Variants in ZNF280B observed in about 807,000 individuals in gnomAD.
ZNF280B encodes suppressor of hairy wing homolog 2.
Under a neutral mutation model 38.0 loss-of-function variants are expected in ZNF280B, and 16 were observed. The ratio of observed to expected loss-of-function variants is 0.42; its 90% CI spans 0.28 to 0.64. The LOEUF (loss-of-function observed/expected upper bound fraction) is 0.64, where lower values mean the gene tolerates loss of function less well. ZNF280B is among the 30% of genes least tolerant of loss of function. The pLI, the probability that ZNF280B is intolerant of heterozygous loss-of-function variation, is 0.21. For missense variants in ZNF280B, 581 were observed against 639.6 expected (o/e 0.91, Z 0.99); for synonymous variants, 253 against 230.6 (o/e 1.10, Z -0.88).
intron 2 of ZNF280B, among the ~76,000 whole-genome samples, chr22:22,500,366 T>C (rs2061791323): frequency 9.8e-6 from 1 of 101,858 alleles, no homozygotes; most frequent in African/African-American, 4.0e-5. Flanking sequence ...AACAAAATAT[T>C]ATATATATAT....
rs1327493938 is a variant in ZNF280B at position 22,487,680 on chromosome 22, C to T, written c.*87G>A. The T allele has an allele frequency of 8.6e-7, 1 of 1,161,496 alleles. No individual in the cohort carries two copies. The allele number at this position is 1,161,496 out of a possible 1,614,324, so 71.9% of individuals were successfully genotyped here. ...ACTAGTTTCACTATTTTTGGTGCTA[C>T]TGAATAATGTATGGTTTGTATTTTT... On this transcript the variant is annotated 3_prime_UTR_variant, in exon 4 of 4. Transcript: ENST00000626650.
intron 2 of ZNF280B, among the ~76,000 whole-genome samples, chr22:22,501,264 T>TC (rs2061818984): frequency 6.6e-6 from 1 of 151,792 alleles, no homozygotes; most frequent in South Asian, 2.1e-4. Context: ...ATAAAACAAT[T>TC]CATTTTAAAA....
At chr22:22,490,315 A>C (rs5758484) in intron 3 of ZNF280B, among the ~76,000 whole-genome samples, 22,529 of 151,722 alleles carry the variant, frequency 0.15, 1,965 homozygotes, top group South Asian at 0.29. Flanking sequence ...CAAAACCCTC[A>C]AACGGCTTTC....
At chr22:22,500,342 C>T (rs2061790951) in intron 2 of ZNF280B, among the ~76,000 whole-genome samples, 1 of 151,042 alleles carries the variant, frequency 6.6e-6, no homozygotes, top group Admixed American at 6.6e-5. Context: ...CAAATGTCTA[C>T]CCAAAAATGA....
chr22:22,506,546 G>A (rs1035419796), intron 2 of ZNF280B, among the ~76,000 whole-genome samples: 5 of 151,636 alleles, frequency 3.3e-5, no homozygotes, highest in African/African-American at 4.8e-5. Context: ...TAGCAAATAC[G>A]GACAACTCTG....
Position 22,487,806 on chromosome 22 carries a change from G to C in ZNF280B, c.1593C>G (p.Leu531=). Residue 531 remains leucine (L), a synonymous_variant, in exon 4 of 4, where the codon CTC becomes CTG. Transcript: ENST00000626650. The part of the protein sequence containing the change: ...TVSTSDSEPS[L]PRSKSKISKK... ...TTGAAATTTTGCTTTTAGACCTGGG[G>C]AGTGATGGTTCAGAGTCAGATGTGC... 6.2e-7 allele frequency: 1 copy of C among 1,605,272 alleles called. No individual in the cohort carries two copies. The highest frequency in any genetic ancestry group is 8.5e-7 in the Non-Finnish European group (1 of 1,176,862).
At chr22:22,499,663 T>C (rs558113481) in intron 2 of ZNF280B, among the ~76,000 whole-genome samples, 8 of 151,932 alleles carry the variant, frequency 5.3e-5, no homozygotes, top group Admixed American at 6.6e-5. Flanking sequence ...AACAAAACGA[T>C]TGGGAATAGA....
Position 22,487,710 on chromosome 22 carries a change from T to G in ZNF280B, c.*57A>C. The G allele has an allele frequency of 2.8e-6, 4 of 1,453,350 alleles. No homozygotes were observed. The South Asian group carries it at 5.6e-5, about 20-fold the overall frequency. The allele number at this position is 1,453,350 out of a possible 1,614,324, so 90.0% of individuals were successfully genotyped here. On this transcript the variant is annotated 3_prime_UTR_variant, in exon 4 of 4. Transcript: ENST00000626650. ...TAATGTATGGTTTGTATTTTTTGTTTTATGAGGTTTTTTAATTTGGTTTGA... is the reference window on the plus strand; with the variant it reads ...TAATGTATGGTTTGTATTTTTTGTTGTATGAGGTTTTTTAATTTGGTTTGA...
At chr22:22,497,130 C>T (rs6002525) in intron 2 of ZNF280B, among the ~76,000 whole-genome samples, 28,011 of 145,280 alleles carry the variant, frequency 0.19, 3,076 homozygotes, top group South Asian at 0.34. Context: ...GGATCTACTC[C>T]TAAGCAACAG....
rs1462877841 is a variant in ZNF280B, at chr22:22,489,395, C to T, written c.4G>A (p.Glu2Lys). 2 of 1,581,122 alleles carry T rather than the reference C, an allele frequency of 1.3e-6. No homozygotes were observed. Among genetic ancestry groups the T allele is most frequent in the East Asian group, 2.2e-5 (1 of 44,526 alleles). The change falls in exon 4 of 4, where the codon GAA (glutamate) becomes AAA (lysine). Residue 2 changes from glutamate (E) to lysine (K), a missense_variant. By Grantham distance (56) the Glu-to-Lys change is moderately conservative. Transcript: ENST00000626650. The stretch of plus-strand genomic sequence containing the variant: ...TCTTTCTCTTCCTCACATGATTGTT[C>T]CATTTTCTAATTTTTTTATTCCTGA... Reference protein sequence around the residue: MEQSCEEEKEPE... With the variant: MKQSCEEEKEPE...
chr22:22,491,951 C>T (rs2061604214), intron 3 of ZNF280B, among the ~76,000 whole-genome samples: 1 of 151,888 alleles, frequency 6.6e-6, no homozygotes, highest in East Asian at 2.0e-4. Flanking sequence ...CCATGTGGAC[C>T]CTTCAAATCA....
At chr22:22,493,627 A>G (rs1160504546) in intron 3 of ZNF280B, among the ~76,000 whole-genome samples, 1 of 151,828 alleles carries the variant, frequency 6.6e-6, no homozygotes, top group African/African-American at 2.4e-5. Context: ...CACTCATTCT[A>G]CCTCTCATGT....
rs1569172709 is a variant in ZNF280B, at chr22:22,488,212, T to C, written c.1187A>G (p.His396Arg). 1.2e-6 allele frequency: 2 copies of C among 1,613,922 alleles called. No homozygotes were observed. Among genetic ancestry groups the C allele is most frequent in the East Asian group, 2.2e-5 (1 of 44,796 alleles). ...CACATAGGGCATTTCGCCAGGCTTA[T>C]GATGGTCCTTCATGTGTTGTAAGAG... ...QVLLQHMKDH[H>R]KPGEMPYVCQ... The change falls in exon 4 of 4, where the codon CAT becomes CGT. Residue 396 changes from histidine (H) to arginine (R), a missense_variant. His to Arg is a conservative substitution (Grantham distance 29). Transcript: ENST00000626650.
intron 2 of ZNF280B, among the ~76,000 whole-genome samples, chr22:22,497,378 A>AAAATTTGCCGGGAGTGGT (rs1190255816): frequency 6.6e-6 from 1 of 151,550 alleles, no homozygotes; most frequent in Non-Finnish European, 1.5e-5. Context: ...TAAAAACACA[A>AAAATTTGCCGGGAGTGGT]AAATTTGCCG....
intron 2 of ZNF280B, among the ~76,000 whole-genome samples, chr22:22,501,288 G>A (rs987152187): frequency 5.9e-5 from 9 of 151,760 alleles, no homozygotes; most frequent in African/African-American, 1.7e-4. Flanking sequence ...GGCCCCAATC[G>A]GCATGGTGGC....
At chr22:22,498,039 A>C (rs1435188148) in intron 2 of ZNF280B, among the ~76,000 whole-genome samples, 3 of 152,050 alleles carry the variant, frequency 2.0e-5, no homozygotes, top group African/African-American at 7.2e-5. Context: ...AAGAAACGAC[A>C]TACTGATACA....
intron 2 of ZNF280B, among the ~76,000 whole-genome samples, chr22:22,501,035 A>AAAAAAAAAAC (rs2061810962): frequency 2.9e-5 from 4 of 140,320 alleles, no homozygotes; most frequent in African/African-American, 1.1e-4. Context: ...AAAAAAAAAA[A>AAAAAAAAAAC]AAAAAACAAA....
Position 22,489,359 on chromosome 22 carries a change from G to A in ZNF280B, c.40C>T (p.Gln14Ter), listed in dbSNP as rs1160776023. The stretch of plus-strand genomic sequence containing the variant: ...TGTTTGGTTTCTTGTATGTTCTTCT[G>A]TGGTTCAGGCTCTTTCTCTTCCTCA... ...SCEEEKEPEP[Q>*]KNIQETKQVD... Residue 14 changes from glutamine (Q) to a stop codon, truncating the protein, a stop_gained, in exon 4 of 4, where the codon CAG (glutamine) becomes TAG (stop). Transcript: ENST00000626650. LOFTEE classifies it high-confidence loss of function. 6.2e-7 allele frequency: 1 copy of A among 1,612,332 alleles called. No homozygotes were observed. The highest frequency in any genetic ancestry group is 1.1e-5 in the South Asian group (1 of 90,638).
chr22:22,495,492 G>T (rs1054460038), intron 2 of ZNF280B, among the ~76,000 whole-genome samples: 1 of 151,964 alleles, frequency 6.6e-6, no homozygotes, highest in South Asian at 2.1e-4. Flanking sequence ...ATTCTCTGGT[G>T]AACTGGAAGA....
Sources: allele counts gnomAD v4.1 joint callset (sites outside exome capture counted in the v4.1 genomes callset), GRCh38; gene constraint gnomAD v4.1.1; transcripts MANE v1.5; gene names NCBI Gene and HGNC (gene_info 2026-07-23, HGNC 2026-07-21).